DCAF6: variants seen among roughly 807,000 people sequenced by gnomAD.
DCAF6 encodes the protein DDB1 and CUL4 associated factor 6.
DCAF6 carries 54 observed loss-of-function variants against 125.1 expected under a neutral mutation model. That is an observed-to-expected ratio of 0.43 (90% confidence interval 0.35 to 0.54). The LOEUF (loss-of-function observed/expected upper bound fraction) is 0.54, where lower values mean the gene tolerates loss of function less well. Ranked by LOEUF, DCAF6 falls within the 20% of genes least tolerant of loss-of-function variation. DCAF6 has a pLI of 0.01. For synonymous variants in DCAF6, 371 were observed against 390.4 expected (o/e 0.95, Z 0.58); for missense variants, 934 against 1,161.7 (o/e 0.80, Z 2.85).
intron 7 of DCAF6, among the ~76,000 whole-genome samples, chr1:167,995,396 T>C (rs1429312603): frequency 6.6e-6 from 1 of 152,174 alleles, no homozygotes; most frequent in African/African-American, 2.4e-5. Context: ...ATTATGCTTG[T>C]TGGCCGGGCG....
intron 11 of DCAF6, chr1:168,020,097 A>G (rs1001258803): frequency 6.6e-6 from 1 of 152,240 alleles, no homozygotes; most frequent in Non-Finnish European, 1.5e-5. Flanking sequence ...ATTCAATACC[A>G]TATGTCTGAA....
At chr1:167,929,839 T>TATTTTTATGAATAAGAA in the DCAF6 span, among the ~76,000 whole-genome samples, 1 of 152,204 alleles carries the variant, frequency 6.6e-6, no homozygotes, top group Non-Finnish European at 1.5e-5. Flanking sequence ...TAAAGTTTCT[T>TATTTTTATGAATAAGAA]ACTGAATGCT....
chr1:167,870,903 C>T, the DCAF6 span, among the ~76,000 whole-genome samples: 1 of 151,354 alleles, frequency 6.6e-6, no homozygotes, highest in African/African-American at 2.4e-5. Flanking sequence ...TTCCTGGGAG[C>T]TTTTTAGCTA....
At chr1:167,878,634 G>A in the DCAF6 span, 1 of 1,613,802 alleles carries the variant, frequency 6.2e-7, no homozygotes, top group Non-Finnish European at 8.5e-7. Flanking sequence ...TTTGACCAAT[G>A]ACTATAGCAA....
the DCAF6 span, among the ~76,000 whole-genome samples, chr1:167,889,232 T>C: frequency 1.3e-5 from 2 of 152,344 alleles, no homozygotes; most frequent in South Asian, 2.1e-4. Context: ...GCTTTTCTTA[T>C]GTTGAGGTAT....
intron 4 of DCAF6, among the ~76,000 whole-genome samples, chr1:167,981,011 A>G (rs1002892265): frequency 6.6e-6 from 1 of 151,160 alleles, no homozygotes; most frequent in African/African-American, 2.4e-5. Context: ...GGTTCAAGCA[A>G]TTCTCCTGCC....
At chr1:167,905,105 G>T in the DCAF6 span, 1 of 1,614,166 alleles carries the variant, frequency 6.2e-7, no homozygotes, top group Non-Finnish European at 8.5e-7. Context: ...TTCTGACTAT[G>T]GGCCAGTCCT....
chr1:168,056,789 A>G (rs1170102382), intron 17 of DCAF6, among the ~76,000 whole-genome samples: 1 of 152,234 alleles, frequency 6.6e-6, no homozygotes, highest in Middle Eastern at 3.2e-3. Context: ...AATACCTACA[A>G]AAATCCCAAG....
the DCAF6 span, among the ~76,000 whole-genome samples, chr1:167,922,958 A>G: frequency 2.0e-5 from 3 of 152,196 alleles, no homozygotes; most frequent in Non-Finnish European, 4.4e-5. Context: ...TATGTTCAGC[A>G]TGACTAATCA....
At chr1:167,980,525 T>C (rs1382523092) in intron 4 of DCAF6, among the ~76,000 whole-genome samples, 1 of 152,236 alleles carries the variant, frequency 6.6e-6, no homozygotes, top group Non-Finnish European at 1.5e-5. Flanking sequence ...CTTGAAGTTT[T>C]ATCTTACTGT....
At chr1:167,894,852 A>G in the DCAF6 span, among the ~76,000 whole-genome samples, 108 of 152,300 alleles carry the variant, frequency 7.1e-4, no homozygotes, top group African/African-American at 2.5e-3. Context: ...GATTCAACCA[A>G]TGAAATCCTG....
At chr1:167,927,234 T>C in the DCAF6 span, among the ~76,000 whole-genome samples, 43 of 152,224 alleles carry the variant, frequency 2.8e-4, no homozygotes, top group Admixed American at 6.5e-4. Context: ...ATGCCAAGGA[T>C]ATATTAGATT....
At chr1:167,864,579 A>T in the DCAF6 span, among the ~76,000 whole-genome samples, 1 of 152,116 alleles carries the variant, frequency 6.6e-6, no homozygotes, top group Non-Finnish European at 1.5e-5. Context: ...GGCAAAAGGA[A>T]AGTCAAAGAG....
chr1:167,990,324 C>T (rs935517821), intron 5 of DCAF6, among the ~76,000 whole-genome samples: 1 of 151,160 alleles, frequency 6.6e-6, no homozygotes, highest in African/African-American at 2.4e-5. Context: ...GCTGTGATCA[C>T]ACCACTGTAA....
intron 2 of DCAF6, among the ~76,000 whole-genome samples, chr1:167,962,170 T>C (rs1675712399): frequency 6.6e-6 from 1 of 152,158 alleles, no homozygotes; most frequent in South Asian, 2.1e-4. Context: ...TATTCTGCTG[T>C]TGTTGAATGA....
At chr1:167,957,490 T>C (rs892237871) in intron 2 of DCAF6, among the ~76,000 whole-genome samples, 3 of 152,304 alleles carry the variant, frequency 2.0e-5, no homozygotes, top group Middle Eastern at 3.4e-3. Context: ...CCACATTTAA[T>C]ATTTCATTGT....
At chr1:167,900,840 A>G in the DCAF6 span, among the ~76,000 whole-genome samples, 1 of 152,182 alleles carries the variant, frequency 6.6e-6, no homozygotes, top group Non-Finnish European at 1.5e-5. Context: ...CCTTATTTGG[A>G]AATTTTTAAC....
At chr1:168,016,036 A>G (rs1197736775) in intron 11 of DCAF6, 85 bp downstream of exon 11, 5 of 1,192,078 alleles carry the variant, frequency 4.2e-6, no homozygotes, top group Non-Finnish European at 4.3e-6. Context: ...CCCTTTTCCC[A>G]TTCAAAAAGA....
the DCAF6 span, among the ~76,000 whole-genome samples, chr1:167,929,368 A>G: frequency 1.3e-5 from 2 of 148,668 alleles, no homozygotes; most frequent in Non-Finnish European, 3.0e-5. Flanking sequence ...TCGAAAAAAG[A>G]AAAAAAAAAG....
Sources: allele counts gnomAD v4.1 joint callset (sites outside exome capture counted in the v4.1 genomes callset), GRCh38; gene constraint gnomAD v4.1.1; transcripts MANE v1.5; gene names NCBI Gene and HGNC (gene_info 2026-07-23, HGNC 2026-07-21).